Variants in CACNA1A observed in about 807,000 individuals in gnomAD.
The protein encoded by CACNA1A is calcium voltage-gated channel subunit alpha1 A, also known as voltage-dependent P/Q-type calcium channel subunit alpha-1A.
A neutral mutation model predicts 262.4 loss-of-function variants in CACNA1A; 57 were observed. That is an observed-to-expected ratio of 0.22 (90% confidence interval 0.18 to 0.27). The LOEUF (loss-of-function observed/expected upper bound fraction) is 0.27, where lower values mean the gene tolerates loss of function less well. Ranked by LOEUF, CACNA1A falls within the 10% of genes least tolerant of loss-of-function variation. The pLI, the probability that CACNA1A is intolerant of heterozygous loss-of-function variation, is 1.00. For synonymous variants in CACNA1A, 1,431 were observed against 1,419.3 expected, an observed-to-expected ratio of 1.01 and a Z score of -0.18; for missense variants, 2,526 against 3,562.8, an observed-to-expected ratio of 0.71 and a Z score of 7.41.
chr19:13,262,079 T>C (rs1334266669), intron 25 of CACNA1A: 1 of 161,166 alleles, frequency 6.2e-6, no homozygotes, highest in Non-Finnish European at 1.4e-5. Flanking sequence ...TTTCTGTCTT[T>C]AATTTTTAGT....
At chr19:13,294,928 T>C (rs2057630655) in intron 19 of CACNA1A, among the ~76,000 whole-genome samples, 1 of 152,210 alleles carries the variant, frequency 6.6e-6, no homozygotes. Flanking sequence ...TTCAATTTCT[T>C]TGTCACTTTC....
intron 24 of CACNA1A, among the ~76,000 whole-genome samples, chr19:13,267,834 G>C (rs1467178031): frequency 6.6e-6 from 1 of 151,848 alleles, no homozygotes; most frequent in Non-Finnish European, 1.5e-5. Flanking sequence ...AGGCTGCAGT[G>C]CAGTAGCGGG....
chr19:13,414,182 C>T (rs1291502432), intron 3 of CACNA1A, among the ~76,000 whole-genome samples: 6 of 151,786 alleles, frequency 4.0e-5, no homozygotes, highest in Admixed American at 2.0e-4. Flanking sequence ...ACTTTGAGTC[C>T]GGGAGTTTGA....
rs10410192 is a variant in CACNA1A, at chr19:13,403,922, T to C, written c.540-32143A>G. Among the ~76,000 whole-genome samples the C allele has an allele frequency of 5.5e-3, 836 of 151,766 alleles. 39 individuals carry two copies. The East Asian group carries it at 0.11, about 21-fold the overall frequency. ...TAATGAGCCGTGGTCATGCCACTGC[T>C]CTCCAGCCTGGGTGACAGAGCAAGA... On this transcript the variant is annotated intron_variant, in intron 3 of 46. Coordinates refer to ENST00000360228, the MANE Select transcript of CACNA1A (RefSeq NM_001127222.2).
chr19:13,473,471 C>T (rs929106084), intron 1 of CACNA1A, among the ~76,000 whole-genome samples: 1 of 152,182 alleles, frequency 6.6e-6, no homozygotes, highest in African/African-American at 2.4e-5. Context: ...TTTTGGTCTT[C>T]CAGCCTTCAG....
chr19:13,273,920 T>G (rs936922884), intron 24 of CACNA1A: 10 of 151,542 alleles, frequency 6.6e-5, no homozygotes, highest in African/African-American at 2.2e-4. Flanking sequence ...TAATTGTTTT[T>G]TTTTTTTTTT....
chr19:13,459,292 C>T (rs942923411), intron 1 of CACNA1A, among the ~76,000 whole-genome samples: 3 of 152,076 alleles, frequency 2.0e-5, no homozygotes, highest in Non-Finnish European at 2.9e-5. Context: ...CCTTCCAGGC[C>T]GGAGGGAGAG....
chr19:13,419,656 A>G (rs2060283406), intron 3 of CACNA1A, among the ~76,000 whole-genome samples: 1 of 151,984 alleles, frequency 6.6e-6, no homozygotes, highest in Admixed American at 6.6e-5. Flanking sequence ...CAGCCTGGGT[A>G]ACAGAGTGAG....
At chr19:13,423,523 C>G (rs758778741) in intron 3 of CACNA1A, among the ~76,000 whole-genome samples, 25 of 151,708 alleles carry the variant, frequency 1.6e-4, no homozygotes, top group Admixed American at 1.1e-3. Flanking sequence ...TTCTTTTTTT[C>G]TTTTTTGAGA....
intron 26 of CACNA1A, 66 bp from the exon 27 acceptor site, chr19:13,259,767 T>A: frequency 1.3e-6 from 2 of 1,554,808 alleles, no homozygotes; most frequent in Non-Finnish European, 1.8e-6. Context: ...TGTCTTTGGT[T>A]ATCAGAGACA....
At position 13,371,650 on chromosome 19, in the gene CACNA1A, GT is replaced by G. The variant is rs202061083; in HGVS notation, c.631+37del. The G allele has an allele frequency of 1.2e-3, 1,814 of 1,481,272 alleles. 32 individuals are homozygous for G. The East Asian group carries it at 0.035, about 28-fold the overall frequency. 91.8% of individuals were successfully genotyped at this position (1,481,272 alleles called of 1,614,324 possible). On this transcript the variant is annotated intron_variant, in intron 4 of 46. Coordinates refer to ENST00000360228, the MANE Select transcript of CACNA1A (RefSeq NM_001127222.2). Reference sequence around the variant, plus strand: ...GGGAAACTGAGGGCTCCTGGGGCCCGTGAGCAAACCCCTTGTCAGGGTCGGA... The same window carrying G: ...GGGAAACTGAGGGCTCCTGGGGCCCGGAGCAAACCCCTTGTCAGGGTCGGA...
At chr19:13,222,371 G>A (rs1457855182) in intron 38 of CACNA1A, among the ~76,000 whole-genome samples, 1 of 146,664 alleles carries the variant, frequency 6.8e-6, no homozygotes, top group Non-Finnish European at 1.5e-5. Context: ...ACAGGTGTGA[G>A]CCACCATGTC....
At chr19:13,499,459 G>C (rs1010035813) in intron 1 of CACNA1A, among the ~76,000 whole-genome samples, 3 of 128,700 alleles carry the variant, frequency 2.3e-5, no homozygotes, top group African/African-American at 6.3e-5. Flanking sequence ...GTGGGGGGGG[G>C]CACTTCGCTC....
At chr19:13,442,428 C>T (rs2060740213) in intron 3 of CACNA1A, among the ~76,000 whole-genome samples, 1 of 152,142 alleles carries the variant, frequency 6.6e-6, no homozygotes, top group Admixed American at 6.5e-5. Flanking sequence ...TCTGTGATGC[C>T]AGAGACTGCC....
intron 8 of CACNA1A, among the ~76,000 whole-genome samples, chr19:13,333,166 A>G (rs578189940): frequency 6.6e-6 from 1 of 152,042 alleles, no homozygotes; most frequent in Non-Finnish European, 1.5e-5. Flanking sequence ...ACCACAGCCT[A>G]TAAGCCCCTG....
intron 24 of CACNA1A, among the ~76,000 whole-genome samples, chr19:13,267,789 CTTT>C (rs374270250): frequency 6.6e-6 from 1 of 150,580 alleles, no homozygotes; most frequent in South Asian, 2.1e-4. Context: ...TCCTTCTCTC[CTTT>C]TTTTTTGAGG....
chr19:13,310,489 A>T (rs8109257), intron 12 of CACNA1A, among the ~76,000 whole-genome samples: 817 of 20,060 alleles, frequency 0.041, 53 homozygotes, highest in African/African-American at 0.12. Context: ...AAAAAAAAAA[A>T]ATATATATAT....
In CACNA1A at chr19:13,291,870, C is replaced by G. The variant is rs140432251; in HGVS notation, c.3090-4904G>C. The stretch of plus-strand genomic sequence containing the variant: ...AGAATTAGAGTGCTAAGTAATTAAC[C>G]ACTCCCTACCCCCATGCAGGATAAA... On this transcript the variant is annotated intron_variant, in intron 19 of 46. Transcript: ENST00000360228. 4.5e-3 allele frequency among the ~76,000 whole-genome samples: 678 copies of G among 152,148 alleles called. 1 individual carries two copies. The highest frequency in any genetic ancestry group is 0.016 in the African/African-American group (647 of 41,502).
intron 1 of CACNA1A, among the ~76,000 whole-genome samples, chr19:13,456,894 C>G (rs1367016833): frequency 6.6e-6 from 1 of 152,076 alleles, no homozygotes; most frequent in Non-Finnish European, 1.5e-5. Context: ...AACAAACAAA[C>G]AGAAAACAAG....
Sources: gnomAD v4.1 joint callset for allele counts (sites outside exome capture counted in the v4.1 genomes callset) on GRCh38, gnomAD v4.1.1 for gene constraint, MANE v1.5 for transcripts, NCBI Gene and HGNC (gene_info 2026-07-23, HGNC 2026-07-21) for gene names.